SLC25A36: variants seen among roughly 807,000 people sequenced by gnomAD.
The protein encoded by SLC25A36 is epididymis secretory sperm binding protein.
SLC25A36 carries 24 observed loss-of-function variants against 35.3 expected under a neutral mutation model. The ratio of observed to expected loss-of-function variants is 0.68; its 90% confidence interval spans 0.49 to 0.96. The LOEUF (loss-of-function observed/expected upper bound fraction) is 0.96. Ranked by LOEUF, SLC25A36 falls within the 40% of genes least tolerant of loss-of-function variation. The pLI, the probability that SLC25A36 is intolerant of heterozygous loss-of-function variation, is 0.00. For missense variants in SLC25A36, 294 were observed against 381.1 expected (o/e 0.77, Z 1.90); for synonymous variants, 141 against 132.2 (o/e 1.07, Z -0.46).
At position 140,979,927 on chromosome 3, in the gene SLC25A36, A is replaced by G. The variant is rs1345892915; in HGVS notation, c.*3474A>G. On this transcript the variant is annotated 3_prime_UTR_variant, in exon 7 of 7. Transcript: ENST00000324194. ...TTGTTCAAATTTTAAAAATTAAAAT[A>G]CGCTCATGAAAATATGGCTTTTTCT... 1 of 152,264 alleles carries G rather than the reference A, an allele frequency of 6.6e-6. No individual in the cohort carries two copies. The highest frequency in any genetic ancestry group is 1.5e-5 in the Non-Finnish European group (1 of 68,042). 9.4% of individuals were successfully genotyped at this position (152,264 alleles called of 1,614,324 possible).
chr3:140,974,061 A>C, intron 6 of SLC25A36, 56 bp downstream of exon 6: 26 of 1,206,556 alleles, frequency 2.2e-5, no homozygotes, highest in Non-Finnish European at 2.8e-5. Context: ...CCAACAGCTC[A>C]CTTATTAAAG....
intron 6 of SLC25A36, among the ~76,000 whole-genome samples, chr3:140,975,097 CTTTTTTTTTTTTTTT>C (rs10662120): frequency 9.1e-5 from 5 of 55,222 alleles, no homozygotes; most frequent in South Asian, 1.1e-3. Flanking sequence ...AAGATACATT[CTTTTTTTTTTTTTTT>C]TTTTTTTTTT....
At chr3:140,961,512 G>T (rs1934625197) in intron 3 of SLC25A36, among the ~76,000 whole-genome samples, 1 of 151,702 alleles carries the variant, frequency 6.6e-6, no homozygotes, top group Non-Finnish European at 1.5e-5. Flanking sequence ...TTTTAGGATG[G>T]TCACCTAAAA....
chr3:140,975,631 G>A (rs1935023764), intron 6 of SLC25A36, among the ~76,000 whole-genome samples: 1 of 152,166 alleles, frequency 6.6e-6, no homozygotes, highest in Non-Finnish European at 1.5e-5. Context: ...AAATTTCTCA[G>A]TAGCTCCAAT....
chr3:140,968,949 T>G (rs1375314160), intron 4 of SLC25A36, among the ~76,000 whole-genome samples: 4 of 151,872 alleles, frequency 2.6e-5, no homozygotes, highest in African/African-American at 7.2e-5. Context: ...ATAAAATGAT[T>G]AATAAAAATC....
intron 1 of SLC25A36, among the ~76,000 whole-genome samples, chr3:140,953,106 T>C (rs1310526646): frequency 2.0e-5 from 3 of 152,192 alleles, no homozygotes; most frequent in Admixed American, 6.5e-5. Context: ...GAGTCCTACA[T>C]TGCATATACT....
chr3:140,947,427 C>T lies in SLC25A36; in HGVS notation c.41+5332C>T, dbSNP rs1193734010. On this transcript the variant is annotated intron_variant, in intron 1 of 6. Transcript: ENST00000324194. ...TACTATTTTTCCTTAAAATAGTAAGCACTTTGAAGCTCCCAACAAAGGCCT... is the reference window on the plus strand; with the variant it reads ...TACTATTTTTCCTTAAAATAGTAAGTACTTTGAAGCTCCCAACAAAGGCCT... Among the ~76,000 whole-genome samples the T allele has an allele frequency of 2.6e-5, 4 of 152,148 alleles. No individual in the cohort carries two copies. In the East Asian group the frequency reaches 7.7e-4, roughly 29 times the overall value.
intron 4 of SLC25A36, chr3:140,968,014 C>G: frequency 1.0e-6 from 1 of 984,938 alleles, no homozygotes; most frequent in Non-Finnish European, 1.2e-6. Flanking sequence ...GGGCACCATT[C>G]CCAGTATCTT....
intron 1 of SLC25A36, among the ~76,000 whole-genome samples, chr3:140,946,726 C>A (rs935940923): frequency 2.6e-5 from 4 of 152,024 alleles, no homozygotes; most frequent in Admixed American, 2.6e-4. Context: ...CTGAGATGGG[C>A]AAGATTGCAG....
chr3:140,956,200 G>A (rs1934474354), intron 1 of SLC25A36, among the ~76,000 whole-genome samples: 1 of 152,094 alleles, frequency 6.6e-6, no homozygotes, highest in Non-Finnish European at 1.5e-5. Context: ...ATATACATGA[G>A]TACTAAATCA....
Position 140,953,623 on chromosome 3 carries a change from G to A in SLC25A36, c.42-2904G>A, listed in dbSNP as rs958875497. On this transcript the variant is annotated intron_variant, in intron 1 of 6. Coordinates refer to ENST00000324194, the MANE Select transcript of SLC25A36 (RefSeq NM_001104647.3). Reference sequence around the variant, plus strand: ...CTTTGTTAAATGTATGCTGTTTATTGACTTTTGGCAGATGTATAAAGTCAT... The same window carrying A: ...CTTTGTTAAATGTATGCTGTTTATTAACTTTTGGCAGATGTATAAAGTCAT... 9.2e-5 allele frequency among the ~76,000 whole-genome samples: 14 copies of A among 152,092 alleles called. No individual in the cohort carries two copies. In the South Asian group the frequency reaches 2.5e-3, roughly 27 times the overall value.
Position 140,976,976 on chromosome 3 carries a change from C to G in SLC25A36, c.*523C>G, listed in dbSNP as rs1262242144. 1 of 152,172 alleles carries G rather than the reference C, an allele frequency of 6.6e-6. No homozygotes were observed. The highest frequency in any genetic ancestry group is 1.5e-5 in the Non-Finnish European group (1 of 68,056). The allele number at this position is 152,172 out of a possible 1,614,324, so 9.4% of individuals were successfully genotyped here. A position where few individuals can be genotyped will look rare whatever the true frequency, so the allele number is the denominator to read the frequency against. On this transcript the variant is annotated 3_prime_UTR_variant, in exon 7 of 7. Coordinates refer to ENST00000324194, the MANE Select transcript of SLC25A36 (RefSeq NM_001104647.3). ...GGCAGTAGTCACTGTTTTTGACAAC[C>G]AATGAAATAGCGTCTAAATATCTTG...
At chr3:140,963,338 T>G (rs949638178) in intron 4 of SLC25A36, 111 bp downstream of exon 4, 3 of 700,196 alleles carry the variant, frequency 4.3e-6, no homozygotes, top group South Asian at 1.9e-5. Context: ...TTTCATTGAT[T>G]AGATGATTTT....
In SLC25A36 at chr3:140,979,229, A is replaced by G. The variant is rs903997821; in HGVS notation, c.*2776A>G. Reference sequence around the variant, plus strand: ...AGATTATCTGTGAGATAGCATTACTATGTTAGGACCAGCAGAGTTTGGGTT... The same window carrying G: ...AGATTATCTGTGAGATAGCATTACTGTGTTAGGACCAGCAGAGTTTGGGTT... On this transcript the variant is annotated 3_prime_UTR_variant, in exon 7 of 7. Transcript: ENST00000324194. 2.0e-5 allele frequency: 3 copies of G among 152,192 alleles called. No individual in the cohort carries two copies. The highest frequency in any genetic ancestry group is 2.1e-4 in the South Asian group (1 of 4,832). The allele number at this position is 152,192 out of a possible 1,614,324, so 9.4% of individuals were successfully genotyped here.
chr3:140,962,750 C>G (rs1934661590), intron 3 of SLC25A36, among the ~76,000 whole-genome samples: 1 of 151,962 alleles, frequency 6.6e-6, no homozygotes, highest in African/African-American at 2.4e-5. Context: ...CATTTAGTTT[C>G]TAAACATTAA....
At position 140,980,107 on chromosome 3, in the gene SLC25A36, A is replaced by G. The variant is rs2107826343; in HGVS notation, c.*3654A>G. On this transcript the variant is annotated 3_prime_UTR_variant, in exon 7 of 7. Transcript: ENST00000324194. ...TGAGCACTTTGTATCTGTTAGATCT[A>G]GTGATGTCTGAAGGAACCCAAAGGT... Among the ~76,000 whole-genome samples, 1 of 152,284 alleles carries G rather than the reference A, an allele frequency of 6.6e-6. No individual in the cohort carries two copies. The highest frequency in any genetic ancestry group is 1.9e-4 in the East Asian group (1 of 5,172).
chr3:140,959,418 G>A, intron 2 of SLC25A36, 45 bp from the exon 3 acceptor site: 1 of 1,027,090 alleles, frequency 9.7e-7, no homozygotes, highest in Non-Finnish European at 1.4e-6. Flanking sequence ...TAAAGTACCA[G>A]ACTTTGAAAG....
chr3:140,961,855 CAAAAAAAAA>C (rs553759457), intron 3 of SLC25A36, among the ~76,000 whole-genome samples: 30 of 35,838 alleles, frequency 8.4e-4, no homozygotes, highest in East Asian at 2.0e-3. Flanking sequence ...GGCTCCGTCT[CAAAAAAAAA>C]AAAAAAAAAA....
intron 1 of SLC25A36, among the ~76,000 whole-genome samples, chr3:140,944,195 G>A (rs1344742805): frequency 2.0e-5 from 3 of 152,174 alleles, no homozygotes; most frequent in Non-Finnish European, 4.4e-5. Context: ...TCTTAGGCAA[G>A]GGTTTTCCGA....
Sources: allele counts gnomAD v4.1 joint callset (sites outside exome capture counted in the v4.1 genomes callset), GRCh38; gene constraint gnomAD v4.1.1; transcripts MANE v1.5; gene names NCBI Gene and HGNC (gene_info 2026-07-23, HGNC 2026-07-21).